The following PAK3 variants were observed in gnomAD, a reference collection of about 807,000 sequenced individuals.
PAK3 encodes the protein serine/threonine-protein kinase PAK 3.
A neutral mutation model predicts 41.0 loss-of-function variants in PAK3; 4 were observed. The observed-to-expected ratio is 0.10, with a 90% CI of 0.05 to 0.22. PAK3 has a LOEUF of 0.22. Among genes scored for constraint, PAK3 ranks in the 10% least tolerant of loss-of-function variants. The probability of loss-of-function intolerance (pLI) is 1.00; values close to 1 mark genes in which losing one functional copy is unlikely to be tolerated. For synonymous variants in PAK3, 146 were observed against 139.6 expected (o/e 1.05, Z -0.32); for missense variants, 205 against 409.9 (o/e 0.50, Z 4.32).
chrX:111,060,663 T>C (rs1050277453), intron 1 of PAK3, among the ~76,000 whole-genome samples: 2 of 111,733 alleles, frequency 1.8e-5, no homozygotes, highest in Non-Finnish European at 3.8e-5. Flanking sequence ...TTTTGTTATG[T>C]CTCTTTAGAA....
intron 1 of PAK3, among the ~76,000 whole-genome samples, chrX:111,021,106 A>T (rs557199739): frequency 9.0e-6 from 1 of 111,475 alleles, no homozygotes; most frequent in South Asian, 3.9e-4. Flanking sequence ...ATCTCTTGGG[A>T]GCTCTATTGC....
intron 1 of PAK3, among the ~76,000 whole-genome samples, chrX:110,990,061 G>A (rs907109527): frequency 4.5e-5 from 5 of 111,696 alleles, no homozygotes; most frequent in African/African-American, 1.3e-4. Flanking sequence ...CCCAGACAGC[G>A]GTGTCTTCCG....
chrX:111,209,088 C>T lies in PAK3; in HGVS notation c.1408-7333C>T, dbSNP rs1458728815. On this transcript the variant is annotated intron_variant, in intron 16 of 17. Coordinates refer to ENST00000372007, the MANE Select transcript of PAK3 (RefSeq NM_002578.5). ...CTCAAGAGGACCCATTTCTTCTGTA[C>T]AGGCAGAGGTGGATCAATTAAACCA... Among the ~76,000 whole-genome samples, 3 of 111,225 alleles carry T rather than the reference C, an allele frequency of 2.7e-5. No individual in the cohort carries two copies. In the East Asian group the frequency reaches 8.5e-4, roughly 31 times the overall value.
chrX:111,180,174 T>C (rs1210373775), intron 11 of PAK3, among the ~76,000 whole-genome samples: 1 of 111,964 alleles, frequency 8.9e-6, no homozygotes, highest in Non-Finnish European at 1.9e-5. Context: ...TTATTAAGTA[T>C]CTTTATAAAG....
At chrX:111,180,119 A>G (rs760693454) in intron 11 of PAK3, among the ~76,000 whole-genome samples, 153 of 111,565 alleles carry the variant, frequency 1.4e-3, no homozygotes, top group African/African-American at 4.8e-3. Context: ...GTTACATACG[A>G]AAGTGTTCAA....
At chrX:111,087,759 A>C (rs1280934348) in intron 1 of PAK3, among the ~76,000 whole-genome samples, 2 of 10,231 alleles carry the variant, frequency 2.0e-4, no homozygotes, top group Non-Finnish European at 7.9e-4. Flanking sequence ...CTGCAAAAAA[A>C]AAAAAACAAA....
chrX:110,984,941 C>A (rs763943357), intron 1 of PAK3, among the ~76,000 whole-genome samples: 1 of 110,554 alleles, frequency 9.0e-6, no homozygotes, highest in Admixed American at 9.6e-5. Context: ...CCAGCCTGGG[C>A]CATGTGGTGA....
At chrX:111,155,231 T>G (rs761621428) in intron 8 of PAK3, among the ~76,000 whole-genome samples, 25 of 110,864 alleles carry the variant, frequency 2.3e-4, no homozygotes, top group Admixed American at 2.0e-3. Context: ...CTGAGTATAG[T>G]GGTTCATGCC....
At chrX:110,956,128 ATT>A (rs1460221912) in intron 1 of PAK3, among the ~76,000 whole-genome samples, 2 of 112,045 alleles carry the variant, frequency 1.8e-5, no homozygotes, top group Non-Finnish European at 3.8e-5. Flanking sequence ...TATGGCAACT[ATT>A]TTTATTTTGA....
chrX:111,156,121 T>A (rs1227527703), intron 8 of PAK3, among the ~76,000 whole-genome samples: 1 of 111,709 alleles, frequency 9.0e-6, no homozygotes, highest in African/African-American at 3.3e-5. Flanking sequence ...ATTGCAAGCA[T>A]CCAGGTAATC....
chrX:111,123,814 C>T (rs755279983), intron 5 of PAK3, among the ~76,000 whole-genome samples: 2 of 111,937 alleles, frequency 1.8e-5, no homozygotes, highest in African/African-American at 6.5e-5. Flanking sequence ...TTCCCCTAGA[C>T]AGCCCCATGT....
At chrX:111,189,858 G>A (rs1256266058) in intron 11 of PAK3, among the ~76,000 whole-genome samples, 1 of 111,725 alleles carries the variant, frequency 9.0e-6, no homozygotes, top group East Asian at 2.8e-4. Flanking sequence ...ATCACACACC[G>A]GGCTCTGAAG....
chrX:111,210,089 G>A (rs2094802491), intron 16 of PAK3, among the ~76,000 whole-genome samples: 1 of 111,574 alleles, frequency 9.0e-6, no homozygotes, highest in African/African-American at 3.3e-5. Flanking sequence ...AAACTTCTAG[G>A]TAATGCTTAT....
intron 4 of PAK3, among the ~76,000 whole-genome samples, chrX:111,113,685 TG>T: frequency 9.0e-6 from 1 of 111,190 alleles, no homozygotes; most frequent in Non-Finnish European, 1.9e-5. Flanking sequence ...TTGTCACATA[TG>T]TATACATGTG....
At chrX:111,175,024 AG>A (rs774514188) in intron 11 of PAK3, among the ~76,000 whole-genome samples, 36 of 111,786 alleles carry the variant, frequency 3.2e-4, no homozygotes, top group Non-Finnish European at 5.3e-4. Flanking sequence ...TACAGACCTC[AG>A]CTCTCCTTCT....
At chrX:111,131,607 A>AGGTAT (rs2093719161) in intron 5 of PAK3, among the ~76,000 whole-genome samples, 1 of 111,608 alleles carries the variant, frequency 9.0e-6, no homozygotes, top group African/African-American at 3.3e-5. Flanking sequence ...TATACCAAAA[A>AGGTAT]AAATTTTAGG....
At chrX:111,015,797 TTTG>T (rs952166012) in intron 1 of PAK3, among the ~76,000 whole-genome samples, 5 of 111,991 alleles carry the variant, frequency 4.5e-5, no homozygotes, top group South Asian at 3.7e-4. Flanking sequence ...AATCAGGTTA[TTTG>T]TTGTTGTTGT....
chrX:111,179,958 A>G (rs2094447731), intron 11 of PAK3, among the ~76,000 whole-genome samples: 1 of 110,516 alleles, frequency 9.0e-6, no homozygotes. Context: ...GGGTTTCACC[A>G]TGTTGGCCAG....
intron 16 of PAK3, among the ~76,000 whole-genome samples, chrX:111,201,493 C>T (rs1603383677): frequency 9.0e-6 from 1 of 111,654 alleles, no homozygotes; most frequent in East Asian, 2.8e-4. Flanking sequence ...CTTTAATATC[C>T]TTCCAACACT....
Sources: allele counts gnomAD v4.1 joint callset (sites outside exome capture counted in the v4.1 genomes callset), GRCh38; gene constraint gnomAD v4.1.1; transcripts MANE v1.5; gene names NCBI Gene and HGNC (gene_info 2026-07-23, HGNC 2026-07-21).